TBC1D14: variants seen among roughly 807,000 people sequenced by gnomAD.
TBC1D14 encodes the protein TBC1 domain family, member 14.
A neutral mutation model predicts 79.0 loss-of-function variants in TBC1D14; 26 were observed. The ratio of observed to expected loss-of-function variants is 0.33; its 90% CI spans 0.24 to 0.46. The LOEUF (loss-of-function observed/expected upper bound fraction) is 0.46. Ranked by LOEUF, TBC1D14 falls within the 20% of genes least tolerant of loss-of-function variation. The probability of loss-of-function intolerance (pLI) is 1.00; values close to 1 mark genes in which losing one functional copy is unlikely to be tolerated. For synonymous variants in TBC1D14, 394 were observed against 349.9 expected, an observed-to-expected ratio of 1.13 and a Z score of -1.40; for missense variants, 769 against 887.6, an observed-to-expected ratio of 0.87 and a Z score of 1.70.
chr4:6,910,913 G>A (rs1044049078), intron 1 of TBC1D14, among the ~76,000 whole-genome samples: 1 of 152,210 alleles, frequency 6.6e-6, no homozygotes, highest in African/African-American at 2.4e-5. Context: ...ACGCACTGAG[G>A]CTAGATGAGG....
At chr4:6,928,103 G>A (rs911558320) in intron 2 of TBC1D14, among the ~76,000 whole-genome samples, 4 of 152,192 alleles carry the variant, frequency 2.6e-5, no homozygotes, top group Admixed American at 6.5e-5. Context: ...CAAGTACATC[G>A]TCTCTTGTGT....
intron 2 of TBC1D14, among the ~76,000 whole-genome samples, chr4:6,946,425 C>T (rs973125238): frequency 2.0e-5 from 3 of 152,060 alleles, no homozygotes; most frequent in African/African-American, 4.8e-5. Flanking sequence ...CTCTGCTTCC[C>T]GGGTTCAAGC....
chr4:7,001,399 G>C, intron 7 of TBC1D14, 148 bp downstream of exon 7: 1 of 677,324 alleles, frequency 1.5e-6, no homozygotes, highest in South Asian at 1.9e-5. Flanking sequence ...GGAGAGAGGG[G>C]CAGTTGGGAG....
Position 6,923,816 on chromosome 4 carries a change from C to T in TBC1D14, c.427C>T (p.Pro143Ser), listed in dbSNP as rs1294723511. Residue 143 changes from proline (P) to serine (S), a missense_variant, in exon 2 of 14, where the codon CCG becomes TCG. Transcript: ENST00000409757. ...CTATGACTCGGTAAAGCTCTATAGC[C>T]CGACCTCCAAAGCCCTGACCCGCAG... ...TGYDSVKLYS[P>S]TSKALTRSDD... is the part of the protein sequence containing the mutation. 1.2e-6 allele frequency: 2 copies of T among 1,614,040 alleles called. No homozygotes were observed. The highest frequency in any genetic ancestry group is 2.7e-5 in the African/African-American group (2 of 74,942).
chr4:7,008,237 G>A (rs956715430), intron 9 of TBC1D14, among the ~76,000 whole-genome samples: 8 of 152,186 alleles, frequency 5.3e-5, no homozygotes, highest in Non-Finnish European at 1.2e-4. Context: ...GGTGGTGGGC[G>A]GAGGCCAAAG....
At chr4:7,019,152 G>C (rs1329013240) in intron 12 of TBC1D14, among the ~76,000 whole-genome samples, 1 of 152,094 alleles carries the variant, frequency 6.6e-6, no homozygotes, top group Non-Finnish European at 1.5e-5. Context: ...CTCCTGAGTA[G>C]CTGGGACTGC....
intron 11 of TBC1D14, 139 bp downstream of exon 11, chr4:7,010,920 G>A (rs780108132): frequency 1.6e-5 from 17 of 1,046,164 alleles, no homozygotes; most frequent in Admixed American, 1.1e-4. Context: ...GCACTGTAAG[G>A]TGGAGGATGA....
intron 3 of TBC1D14, among the ~76,000 whole-genome samples, chr4:6,974,230 C>G (rs762253183): frequency 1.3e-5 from 2 of 152,156 alleles, no homozygotes; most frequent in African/African-American, 4.8e-5. Context: ...GCCTGAGACT[C>G]CCAGAAAAGG....
chr4:7,019,964 C>T, intron 12 of TBC1D14, among the ~76,000 whole-genome samples: 1 of 147,634 alleles, frequency 6.8e-6, no homozygotes, highest in African/African-American at 2.5e-5. Context: ...TATGTGAACC[C>T]CGCTGGGCTC....
chr4:6,992,024 T>G (rs912078420), intron 3 of TBC1D14, among the ~76,000 whole-genome samples: 2 of 152,136 alleles, frequency 1.3e-5, no homozygotes, highest in Non-Finnish European at 2.9e-5. Flanking sequence ...TGGTTTCAGG[T>G]CTGAGGGGAG....
In TBC1D14 at chr4:7,022,006, A is replaced by G. The variant is rs370370651; in HGVS notation, c.1758-2998A>G. ...AGGACAGAGCCTGGTGTCCCCCTTC[A>G]GTGGCCTGTTCACGGCTGGCTTTCA... On this transcript the variant is annotated intron_variant, in intron 12 of 13. Transcript: ENST00000409757. Among the ~76,000 whole-genome samples, 22 of 152,368 alleles carry G rather than the reference A, an allele frequency of 1.4e-4. No individual in the cohort carries two copies. The East Asian group carries it at 2.5e-3, about 17-fold the overall frequency.
At chr4:7,027,618 A>T (rs950086407) in intron 13 of TBC1D14, among the ~76,000 whole-genome samples, 11 of 108,406 alleles carry the variant, frequency 1.0e-4, no homozygotes, top group African/African-American at 3.5e-4. Flanking sequence ...ACACAGTCAC[A>T]TCCACACACA....
chr4:6,987,743 TG>T (rs1361052587), intron 3 of TBC1D14, among the ~76,000 whole-genome samples: 1 of 152,156 alleles, frequency 6.6e-6, no homozygotes, highest in African/African-American at 2.4e-5. Context: ...GATGAGCCTT[TG>T]TATGGAGATG....
At chr4:7,025,807 G>C (rs1480988431) in intron 13 of TBC1D14, among the ~76,000 whole-genome samples, 1 of 152,220 alleles carries the variant, frequency 6.6e-6, no homozygotes, top group Non-Finnish European at 1.5e-5. Context: ...CCAAACAGTG[G>C]CGCGGATAGT....
At chr4:6,929,743 G>C (rs555369303) in intron 2 of TBC1D14, among the ~76,000 whole-genome samples, 41 of 152,320 alleles carry the variant, frequency 2.7e-4, no homozygotes, top group African/African-American at 8.2e-4. Flanking sequence ...GCACAGGAGC[G>C]GATGGGCTGC....
In TBC1D14 at chr4:6,996,402, A is replaced by G. The variant is rs978356611; in HGVS notation, c.1040A>G (p.Lys347Arg). Reference sequence around the variant, plus strand: ...GAAGAAATGGTGGTTCAGGCCAAAAAGCGAGGTAATGGGGTTCACACTTGA... The same window carrying G: ...GAAGAAATGGTGGTTCAGGCCAAAAGGCGAGGTAATGGGGTTCACACTTGA... ...QYEEMVVQAKKRELKEAQRRK... is the reference protein window; with the variant it reads ...QYEEMVVQAKRRELKEAQRRK... The change falls in exon 5 of 14, where the codon AAG (lysine) becomes AGG (arginine). Residue 347 changes from lysine (K) to arginine (R), a missense_variant. By Grantham distance (26) the Lys-to-Arg change is conservative (BLOSUM62 2). Around this residue, in one of 2 missense-constraint regions of TBC1D14, gnomAD observed 367 missense variants for 494.4 expected, o/e 0.74. Coordinates refer to ENST00000409757, the MANE Select transcript of TBC1D14 (RefSeq NM_020773.3). 6.2e-7 allele frequency: 1 copy of G among 1,613,384 alleles called. No individual in the cohort carries two copies. The highest frequency in any genetic ancestry group is 8.5e-7 in the Non-Finnish European group (1 of 1,179,408).
chr4:6,938,594 G>A (rs1263197824), intron 2 of TBC1D14, among the ~76,000 whole-genome samples: 1 of 152,170 alleles, frequency 6.6e-6, no homozygotes, highest in Non-Finnish European at 1.5e-5. Flanking sequence ...AGAGAGGTGG[G>A]GCTCGCTCAT....
chr4:7,027,316 A>G (rs913510608), intron 13 of TBC1D14, among the ~76,000 whole-genome samples: 8 of 132,134 alleles, frequency 6.1e-5, no homozygotes, highest in African/African-American at 1.7e-4. Flanking sequence ...TCACACACCT[A>G]TACGTACACA....
At position 7,025,235 on chromosome 4, in the gene TBC1D14, G is replaced by T; in HGVS notation, c.1989G>T (p.Met663Ile). The change falls in exon 13 of 14, where the codon ATG becomes ATT. Residue 663 changes from methionine (M) to isoleucine (I), a missense_variant. Transcript: ENST00000409757. ...TTGCCTCCATCGCCACGATCCAGAT[G>T]CAGAGCCGAAACAAGAAGTGGGCTC... is the stretch of plus-strand genomic sequence containing the variant. ...ELFASIATIQ[M>I]QSRNKKWAQV... 1.9e-6 allele frequency: 3 copies of T among 1,614,246 alleles called. No homozygotes were observed. The highest frequency in any genetic ancestry group is 2.5e-6 in the Non-Finnish European group (3 of 1,180,042).
Sources: allele counts gnomAD v4.1 joint callset (sites outside exome capture counted in the v4.1 genomes callset), GRCh38; gene constraint gnomAD v4.1.1; regional missense constraint gnomAD v4.1.1; transcripts MANE v1.5; gene names NCBI Gene and HGNC (gene_info 2026-07-23, HGNC 2026-07-21).